RNF128: variants seen among roughly 807,000 people sequenced by gnomAD.
RNF128 encodes E3 ubiquitin-protein ligase RNF128.
Under a neutral mutation model 26.2 loss-of-function variants are expected in RNF128, and 13 were observed. That is an observed-to-expected ratio of 0.50 (90% CI 0.32 to 0.79). The LOEUF (loss-of-function observed/expected upper bound fraction) is 0.79. Ranked by LOEUF, RNF128 falls within the 30% of genes least tolerant of loss-of-function variation. RNF128 has a pLI of 0.03. For synonymous variants in RNF128, 149 were observed against 142.5 expected (o/e 1.05, Z -0.32); for missense variants, 315 against 349.7 (o/e 0.90, Z 0.79).
chrX:106,734,838 C>T (rs961114264), intron 1 of RNF128, among the ~76,000 whole-genome samples: 1 of 111,807 alleles, frequency 8.9e-6, no homozygotes, highest in Non-Finnish European at 1.9e-5. Context: ...GGTAGGAGCC[C>T]AGTCACCCAC....
At chrX:106,694,434 G>C (rs1349868039) in intron 1 of RNF128, 2 of 1,113,200 alleles carry the variant, frequency 1.8e-6, no homozygotes, top group Admixed American at 2.6e-5. Flanking sequence ...TTCACAAAGA[G>C]AGTTAATGTC....
chrX:106,704,445 A>T lies in RNF128; in HGVS notation c.406+10037A>T, dbSNP rs746450590. On this transcript the variant is annotated intron_variant, in intron 1 of 6. Coordinates refer to the RNF128 transcript ENST00000324342. ...AGACTCTGTCTCAGAAAAAAAAAAAAAAAAAAAAAGAGCTGGGGAGTAGTC... is the reference window on the plus strand; with the variant it reads ...AGACTCTGTCTCAGAAAAAAAAAAATAAAAAAAAAGAGCTGGGGAGTAGTC... Among the ~76,000 whole-genome samples the T allele has an allele frequency of 6.2e-3, 665 of 107,722 alleles. 7 individuals are homozygous for T. Among genetic ancestry groups the T allele is most frequent in the African/African-American group, 0.021 (629 of 29,736 alleles). The allele number at this position is 107,722 out of a possible 115,157, so 93.5% of individuals were successfully genotyped here. A position where few individuals can be genotyped will look rare whatever the true frequency, so the allele number is the denominator to read the frequency against.
chrX:106,727,515 C>T (rs1929425587), intron 1 of RNF128, 118 bp downstream of exon 1: 6 of 956,486 alleles, frequency 6.3e-6, no homozygotes, highest in Non-Finnish European at 7.2e-6. Context: ...GGTGCTCTTT[C>T]TGTCCCCACG....
intron 1 of RNF128, among the ~76,000 whole-genome samples, chrX:106,767,245 A>G (rs1212598494): frequency 7.2e-5 from 8 of 111,561 alleles, no homozygotes; most frequent in Non-Finnish European, 1.5e-4. Flanking sequence ...TTCCAATTCT[A>G]TGAAGAAAGT....
At chrX:106,723,197 T>A (rs1172821764), upstream of RNF128, among the ~76,000 whole-genome samples, 2 of 112,346 alleles carry the variant, frequency 1.8e-5, no homozygotes, top group Non-Finnish European at 3.8e-5. Flanking sequence ...TCTAGATTTA[T>A]CACTTGTTGT....
chrX:106,788,276 TTA>T (rs1399828936), intron 4 of RNF128, among the ~76,000 whole-genome samples: 1 of 70,238 alleles, frequency 1.4e-5, no homozygotes. Context: ...TATATATGTA[TTA>T]TATATATATT....
chrX:106,697,009 G>T (rs1928883290), intron 1 of RNF128, among the ~76,000 whole-genome samples: 1 of 111,310 alleles, frequency 9.0e-6, no homozygotes, highest in East Asian at 2.8e-4. Context: ...AAGGTTTCTT[G>T]GGATATGGGA....
chrX:106,746,408 GA>G (rs1929796377), intron 1 of RNF128, among the ~76,000 whole-genome samples: 2 of 110,590 alleles, frequency 1.8e-5, no homozygotes, highest in East Asian at 2.8e-4. Context: ...TAAATGTGGG[GA>G]AAAAAAGGTC....
chrX:106,730,361 T>C (rs1453431159), intron 1 of RNF128, among the ~76,000 whole-genome samples: 1 of 112,180 alleles, frequency 8.9e-6, no homozygotes, highest in African/African-American at 3.2e-5. Flanking sequence ...TGGCTTGCAA[T>C]CTCTGGATAT....
intron 1 of RNF128, among the ~76,000 whole-genome samples, chrX:106,697,069 C>T (rs1345095709): frequency 1.8e-5 from 2 of 111,599 alleles, no homozygotes; most frequent in Non-Finnish European, 3.8e-5. Flanking sequence ...ACAAGTTGGC[C>T]ACCCTAGCTG....
At chrX:106,696,898 G>A (rs1314148899) in intron 1 of RNF128, among the ~76,000 whole-genome samples, 1 of 112,151 alleles carries the variant, frequency 8.9e-6, no homozygotes, top group Admixed American at 9.5e-5. Flanking sequence ...TACTAAGAGG[G>A]TGTTAAAAAG....
At chrX:106,713,667 A>G (rs927543585) in intron 1 of RNF128, among the ~76,000 whole-genome samples, 1 of 111,823 alleles carries the variant, frequency 8.9e-6, no homozygotes, top group African/African-American at 3.3e-5. Flanking sequence ...CAACTGAAAA[A>G]CTGAATTTTT....
At chrX:106,784,908 A>C (rs1199711813) in intron 2 of RNF128, among the ~76,000 whole-genome samples, 157 bp from the exon 3 acceptor site, 2 of 111,752 alleles carry the variant, frequency 1.8e-5, no homozygotes, top group African/African-American at 6.5e-5. Flanking sequence ...ATATCAGGTA[A>C]ATGGGACATT....
At chrX:106,746,118 A>G (rs1225878335) in intron 1 of RNF128, among the ~76,000 whole-genome samples, 2 of 111,303 alleles carry the variant, frequency 1.8e-5, no homozygotes, top group East Asian at 5.6e-4. Context: ...TGCTGACCCT[A>G]TTGTATTATC....
intron 1 of RNF128, among the ~76,000 whole-genome samples, chrX:106,708,723 A>G (rs1046665695): frequency 3.6e-5 from 4 of 112,114 alleles, no homozygotes; most frequent in Non-Finnish European, 7.5e-5. Flanking sequence ...GTGTTATTAT[A>G]TTACTTGAAA....
rs770997178 is a variant in RNF128 at position 106,734,583 on chromosome X, G to T, written c.484+7186G>T. On this transcript the variant is annotated intron_variant, in intron 1 of 6. Transcript: ENST00000255499. ...ATAAGGCACCATAGGTATTTCCTGG[G>T]AATAAATAATTTTTGTATATGTAAG... Among the ~76,000 whole-genome samples, 3 of 111,422 alleles carry T rather than the reference G, an allele frequency of 2.7e-5. No homozygotes were observed. In the South Asian group the frequency reaches 1.1e-3, roughly 42 times the overall value.
chrX:106,725,239 T>C (rs1929374737), upstream of RNF128, among the ~76,000 whole-genome samples: 1 of 111,842 alleles, frequency 8.9e-6, no homozygotes, highest in Admixed American at 9.5e-5. Flanking sequence ...TGGTCTCATA[T>C]ACCCACTTTG....
chrX:106,789,561 A>ATATAGTGTATATAT (rs1930782299), intron 4 of RNF128, among the ~76,000 whole-genome samples: 2 of 71,599 alleles, frequency 2.8e-5, no homozygotes, highest in African/African-American at 4.6e-5. Flanking sequence ...ATACTATATA[A>ATATAGTGTATATAT]TATTATAATA....
intron 1 of RNF128, among the ~76,000 whole-genome samples, chrX:106,733,287 C>T (rs1278811423): frequency 9.0e-6 from 1 of 111,005 alleles, no homozygotes; most frequent in Non-Finnish European, 1.9e-5. Flanking sequence ...ATAGCTTGAT[C>T]AGTGAATTGT....
Sources: gnomAD v4.1 joint callset for allele counts (sites outside exome capture counted in the v4.1 genomes callset) on GRCh38, gnomAD v4.1.1 for gene constraint, MANE v1.5 for transcripts, NCBI Gene and HGNC (gene_info 2026-07-23, HGNC 2026-07-21) for gene names.